The following CCDC138 variants were observed in gnomAD, a reference collection of about 807,000 sequenced individuals.
CCDC138 encodes the protein coiled-coil domain-containing protein 138.
Under a neutral mutation model 82.3 loss-of-function variants are expected in CCDC138, and 66 were observed. The observed-to-expected ratio is 0.80, with a 90% CI of 0.66 to 0.98. The LOEUF (loss-of-function observed/expected upper bound fraction) is 0.98. CCDC138 is among the 50% of genes least tolerant of loss of function. CCDC138 has a pLI of 0.00. For synonymous variants in CCDC138, 297 were observed against 265.4 expected (o/e 1.12, Z -1.16); for missense variants, 816 against 758.9 (o/e 1.08, Z -0.88).
rs370064621 is a variant in CCDC138, at chr2:108,798,467, C to A, written c.616C>A (p.Gln206Lys). The stretch of plus-strand genomic sequence containing the variant: ...ACAACAGAAATTTGCTGAAGAACTT[C>A]AAAAGCGAGAACGTTTTTTACTTGA... ...AAQQKFAEELQKRERFLLERE... is the reference protein window; with the variant it reads ...AAQQKFAEELKKRERFLLERE... Residue 206 changes from glutamine (Q) to lysine (K), a missense_variant, in exon 6 of 15, where the codon CAA (glutamine) becomes AAA (lysine). Coordinates refer to ENST00000295124, the MANE Select transcript of CCDC138 (RefSeq NM_144978.3). 10 of 1,613,720 alleles carry A rather than the reference C, an allele frequency of 6.2e-6. No homozygotes were observed. Among genetic ancestry groups the A allele is most frequent in the African/African-American group, 4.0e-5 (3 of 75,004 alleles).
rs983554132 is a variant in CCDC138, at chr2:108,847,459, A to G, written c.1516+529A>G. Among the ~76,000 whole-genome samples the G allele has an allele frequency of 5.3e-5, 8 of 152,270 alleles. No homozygotes were observed. In the East Asian group the frequency reaches 5.8e-4, roughly 11 times the overall value. ...ACAGAAAATGTTTTTCAGTGCTTGC[A>G]CTAGCTTGTAAGTTTCCCAAAGAAA... On this transcript the variant is annotated intron_variant, in intron 12 of 14. Transcript: ENST00000295124.
At chr2:108,794,751 A>G (rs776623878) in intron 5 of CCDC138, 30 bp downstream of exon 5, 2 of 1,493,662 alleles carry the variant, frequency 1.3e-6, no homozygotes, top group South Asian at 1.2e-5. Context: ...TCGAGAATTC[A>G]GAAATATTTA....
chr2:108,794,026 A>G (rs1573923964), intron 4 of CCDC138, among the ~76,000 whole-genome samples: 2 of 152,314 alleles, frequency 1.3e-5, no homozygotes, highest in Non-Finnish European at 2.9e-5. Context: ...GCAAAATAGG[A>G]TATACAGTGA....
intron 1 of CCDC138, among the ~76,000 whole-genome samples, chr2:108,881,706 G>A (rs1238061290): frequency 1.3e-5 from 2 of 152,186 alleles, no homozygotes; most frequent in Admixed American, 1.3e-4. Context: ...TTATGTCTCA[G>A]GAAATGAAGA....
intron 10 of CCDC138, among the ~76,000 whole-genome samples, chr2:108,827,795 G>A (rs904061672): frequency 2.1e-4 from 31 of 144,488 alleles, no homozygotes; most frequent in Admixed American, 4.3e-4. Flanking sequence ...CAGCCTGGGC[G>A]ACAGAGAGAG....
intron 14 of CCDC138, 64 bp from the exon 15 acceptor site, chr2:108,876,020 TGTCA>T (rs1483531949): frequency 2.8e-5 from 27 of 950,102 alleles, no homozygotes; most frequent in Non-Finnish European, 3.9e-5. Context: ...ATAAATTATC[TGTCA>T]GTGTCATTGC....
downstream of CCDC138, among the ~76,000 whole-genome samples, chr2:108,881,511 T>C (rs1050210144): frequency 2.0e-5 from 3 of 152,236 alleles, no homozygotes; most frequent in African/African-American, 7.2e-5. Context: ...TAAGAACTTT[T>C]CCTTTGCTTT....
intron 11 of CCDC138, among the ~76,000 whole-genome samples, chr2:108,842,142 C>T (rs142959000): frequency 5.9e-5 from 9 of 152,168 alleles, no homozygotes; most frequent in African/African-American, 1.7e-4. Context: ...ATCCTTCTGC[C>T]TCAGCCTCCT....
At chr2:108,880,735 G>A (rs989372686), downstream of CCDC138, among the ~76,000 whole-genome samples, 3 of 152,102 alleles carry the variant, frequency 2.0e-5, no homozygotes, top group African/African-American at 7.2e-5. Context: ...CTGCTGTTGA[G>A]ACCTACTGCT....
chr2:108,828,705 G>A (rs1262197081), intron 10 of CCDC138, among the ~76,000 whole-genome samples: 3 of 152,142 alleles, frequency 2.0e-5, no homozygotes, highest in African/African-American at 4.8e-5. Context: ...TCGGCTGGGC[G>A]TGGTGGTTCA....
chr2:108,856,512 G>T (rs1692626349), intron 12 of CCDC138, among the ~76,000 whole-genome samples: 1 of 152,116 alleles, frequency 6.6e-6, no homozygotes, highest in Non-Finnish European at 1.5e-5. Context: ...ATACTAATAG[G>T]CATTGTTTTT....
At chr2:108,790,052 T>A (rs1679643445) in intron 3 of CCDC138, among the ~76,000 whole-genome samples, 1 of 152,234 alleles carries the variant, frequency 6.6e-6, no homozygotes, top group Non-Finnish European at 1.5e-5. Flanking sequence ...TGACTTTTTT[T>A]AATACAGTTT....
chr2:108,883,008 T>G (rs939784963), intron 2 of CCDC138: 1 of 152,214 alleles, frequency 6.6e-6, no homozygotes, highest in Non-Finnish European at 1.5e-5. Context: ...AGACCTTGTC[T>G]TCTTTATATA....
chr2:108,800,638 T>TTTTTTTTTTTTTTTTTTTA (rs1491527939), intron 6 of CCDC138, among the ~76,000 whole-genome samples: 3 of 73,732 alleles, frequency 4.1e-5, no homozygotes, highest in African/African-American at 1.7e-4. Flanking sequence ...TTTTTTTTTT[T>TTTTTTTTTTTTTTTTTTTA]AATTATACTT....
intron 6 of CCDC138, among the ~76,000 whole-genome samples, chr2:108,799,715 A>AT (rs1213911977): frequency 6.6e-6 from 1 of 152,006 alleles, no homozygotes; most frequent in Non-Finnish European, 1.5e-5. Context: ...TTCATCAAAT[A>AT]TTTTTTCCAC....
chr2:108,831,735 T>TCCTTCCTTCCTC (rs1435613331), intron 10 of CCDC138, among the ~76,000 whole-genome samples: 2 of 151,748 alleles, frequency 1.3e-5, no homozygotes, highest in Non-Finnish European at 2.9e-5. Context: ...CTTCCTTCCT[T>TCCTTCCTTCCTC]CCGTCCTTCC....
At chr2:108,799,237 CAA>C (rs1681482347) in intron 6 of CCDC138, among the ~76,000 whole-genome samples, 2 of 152,086 alleles carry the variant, frequency 1.3e-5, no homozygotes, top group South Asian at 4.1e-4. Context: ...AATATGTAGA[CAA>C]AATATTTTTG....
At chr2:108,791,939 ATAGT>A in intron 4 of CCDC138, 137 bp downstream of exon 4, 1 of 868,222 alleles carries the variant, frequency 1.2e-6, no homozygotes, top group Non-Finnish European at 1.7e-6. Flanking sequence ...AAGCTAGGAG[ATAGT>A]TACTGTGCTT....
chr2:108,815,982 C>T lies in CCDC138; in HGVS notation c.1083C>T (p.Phe361=), dbSNP rs1170398745. The change falls in exon 10 of 15, where the codon TTC becomes TTT. Residue 361 remains phenylalanine (F), a synonymous_variant. Coordinates refer to ENST00000295124, the MANE Select transcript of CCDC138 (RefSeq NM_144978.3). ...NGQVYELLTV[F]MDWISDHHLS... ...AAGTTTATGAACTTTTAACTGTCTT[C>T]ATGGACTGGATTTCGGATCATCATC... The T allele has an allele frequency of 3.1e-6, 5 of 1,613,168 alleles. No homozygotes were observed. The highest frequency in any genetic ancestry group is 1.3e-5 in the African/African-American group (1 of 74,886).
Sources: gnomAD v4.1 joint callset for allele counts (sites outside exome capture counted in the v4.1 genomes callset) on GRCh38, gnomAD v4.1.1 for gene constraint, MANE v1.5 for transcripts, NCBI Gene and HGNC (gene_info 2026-07-23, HGNC 2026-07-21) for gene names.